The following DDHD1 variants were observed in gnomAD, a reference collection of about 807,000 sequenced individuals.
DDHD1 encodes DDHD domain containing 1, also known as phospholipase DDHD1.
Under a neutral mutation model 96.4 loss-of-function variants are expected in DDHD1, and 49 were observed. That is an observed-to-expected ratio of 0.51 (90% CI 0.40 to 0.64). The LOEUF (loss-of-function observed/expected upper bound fraction) is 0.64, where lower values mean the gene tolerates loss of function less well. Among genes scored for constraint, DDHD1 ranks in the 30% least tolerant of loss-of-function variants. The pLI is 0.00. For missense variants in DDHD1, 1,106 were observed against 1,161.2 expected (o/e 0.95, Z 0.69); for synonymous variants, 442 against 446.5 (o/e 0.99, Z 0.13).
chr14:53,134,771 G>C (rs1003604431), intron 1 of DDHD1, among the ~76,000 whole-genome samples: 2 of 152,004 alleles, frequency 1.3e-5, no homozygotes, highest in Admixed American at 6.6e-5. Context: ...TGGATGTCCT[G>C]GGTACTCCCA....
chr14:53,099,857 A>C (rs1887168363), intron 2 of DDHD1, among the ~76,000 whole-genome samples: 1 of 152,210 alleles, frequency 6.6e-6, no homozygotes, highest in Admixed American at 6.5e-5. Context: ...AAAGTATCTA[A>C]ATCACAAAGT....
At chr14:53,143,668 T>A (rs1239106970) in intron 1 of DDHD1, among the ~76,000 whole-genome samples, 1 of 152,146 alleles carries the variant, frequency 6.6e-6, no homozygotes, top group Non-Finnish European at 1.5e-5. Flanking sequence ...CTGAGAAAAG[T>A]AAAAACACCT....
At chr14:53,083,336 A>T (rs914346802) in intron 4 of DDHD1, among the ~76,000 whole-genome samples, 18 of 152,196 alleles carry the variant, frequency 1.2e-4, no homozygotes, top group African/African-American at 4.3e-4. Flanking sequence ...AATTTAGGGT[A>T]TTAGATATGC....
rs547828011 is a variant in DDHD1 at position 53,053,989 on chromosome 14, C to T, written c.2437+449G>A. 19 of 153,334 alleles carry T rather than the reference C, an allele frequency of 1.2e-4. No homozygotes were observed. In the South Asian group the frequency reaches 1.6e-3, roughly 13 times the overall value. The allele number at this position is 153,334 out of a possible 1,614,324, so 9.5% of individuals were successfully genotyped here. A position where few individuals can be genotyped will look rare whatever the true frequency, so the allele number is the denominator to read the frequency against. On this transcript the variant is annotated intron_variant, in intron 11 of 12. Transcript: ENST00000673822. ...TAGAATTGGAAGCCATTCAGCAGAT[C>T]CAATAAAATTTCTAAGCTTTGAATA...
At chr14:53,093,619 T>A in intron 2 of DDHD1, 175 bp from the exon 3 acceptor site, 1 of 689,188 alleles carries the variant, frequency 1.5e-6, no homozygotes, top group Non-Finnish European at 2.2e-6. Context: ...AAGTAATGGA[T>A]AGGGACTTTA....
chr14:53,068,727 A>G (rs1884259148), intron 6 of DDHD1, among the ~76,000 whole-genome samples: 1 of 152,310 alleles, frequency 6.6e-6, no homozygotes, highest in East Asian at 1.9e-4. Flanking sequence ...TACCCAGTTT[A>G]GGTACTGCTT....
At chr14:53,151,885 A>G (rs1335171072) in intron 1 of DDHD1, among the ~76,000 whole-genome samples, 1 of 152,214 alleles carries the variant, frequency 6.6e-6, no homozygotes, top group Non-Finnish European at 1.5e-5. Flanking sequence ...CGCTATTTAA[A>G]TCATAGGCTG....
At chr14:53,053,408 C>T (rs1882774671) in intron 11 of DDHD1, 1 of 152,010 alleles carries the variant, frequency 6.6e-6, no homozygotes, top group African/African-American at 2.4e-5. Context: ...GAGTCTGGCA[C>T]AGATATAATT....
At chr14:53,102,911 T>C in intron 2 of DDHD1, 1 of 921,700 alleles carries the variant, frequency 1.1e-6, no homozygotes, top group Non-Finnish European at 1.6e-6. Flanking sequence ...ATTCATTAGA[T>C]TCAGTAGAGC....
At chr14:53,064,042 G>A (rs1883815858) in intron 6 of DDHD1, among the ~76,000 whole-genome samples, 1 of 151,948 alleles carries the variant, frequency 6.6e-6, no homozygotes, top group Admixed American at 6.6e-5. Flanking sequence ...TGATTTAATG[G>A]CAATGTACAT....
At chr14:53,050,040 CAT>C (rs1882398665) in intron 12 of DDHD1, among the ~76,000 whole-genome samples, 1 of 152,084 alleles carries the variant, frequency 6.6e-6, no homozygotes, top group African/African-American at 2.4e-5. Flanking sequence ...TGTCAACAGA[CAT>C]ATAATAAGTA....
chr14:53,146,936 T>G (rs1484982939), intron 1 of DDHD1, among the ~76,000 whole-genome samples: 1 of 151,306 alleles, frequency 6.6e-6, no homozygotes, highest in African/African-American at 2.4e-5. Flanking sequence ...TGACAGTTTT[T>G]TTTTTTTTTT....
At chr14:53,148,203 T>C (rs912742373) in intron 1 of DDHD1, among the ~76,000 whole-genome samples, 2 of 152,202 alleles carry the variant, frequency 1.3e-5, no homozygotes, top group Admixed American at 6.5e-5. Context: ...TCCTGGAAAC[T>C]ACATATAAAA....
intron 4 of DDHD1, among the ~76,000 whole-genome samples, chr14:53,082,105 C>T (rs968647732): frequency 2.0e-5 from 3 of 152,208 alleles, no homozygotes; most frequent in African/African-American, 7.2e-5. Context: ...CAATATTATA[C>T]TATACCTCAG....
At chr14:53,067,948 A>T (rs1026604455) in intron 6 of DDHD1, among the ~76,000 whole-genome samples, 5 of 152,148 alleles carry the variant, frequency 3.3e-5, no homozygotes, top group Non-Finnish European at 1.5e-5. Context: ...TTGAGGATAT[A>T]TTATATATGT....
chr14:53,075,626 T>A (rs1230219936), intron 4 of DDHD1, among the ~76,000 whole-genome samples: 6 of 152,174 alleles, frequency 3.9e-5, no homozygotes, highest in Non-Finnish European at 7.3e-5. Flanking sequence ...GTTGCTACAC[T>A]AAACAACATA....
chr14:53,037,309 T>C lies in DDHD1; in HGVS notation c.*9459A>G, dbSNP rs560968281. ...GCTGGGTTGAATGGTAGATCTGTTT[T>C]AAGTTATTTGAGAAATCTCCAAACT... On this transcript the variant is annotated 3_prime_UTR_variant, in exon 13 of 13. Coordinates refer to ENST00000673822, the MANE Select transcript of DDHD1 (RefSeq NM_001160148.2). 6.6e-6 allele frequency: 1 copy of C among 152,256 alleles called. No individual in the cohort carries two copies. The highest frequency in any genetic ancestry group is 2.1e-4 in the South Asian group (1 of 4,832). The allele number at this position is 152,256 out of a possible 1,614,324, so 9.4% of individuals were successfully genotyped here.
intron 4 of DDHD1, among the ~76,000 whole-genome samples, chr14:53,083,257 G>A (rs1885650042): frequency 6.6e-6 from 1 of 151,984 alleles, no homozygotes; most frequent in African/African-American, 2.4e-5. Flanking sequence ...ATAAGCTCAT[G>A]TGTTCAACAT....
In DDHD1 at chr14:53,051,850, C is replaced by A. The variant is rs1882601633; in HGVS notation, c.2515G>T (p.Ala839Ser). The A allele has an allele frequency of 6.3e-6, 10 of 1,592,876 alleles. No individual in the cohort carries two copies. The highest frequency in any genetic ancestry group is 8.6e-6 in the Non-Finnish European group (10 of 1,167,650). ...PENVMQNKDN[A>S]LVELDHRIDF... ...TTCCTGACATATACCATACCGAGGG[C>A]ATTATCTTTATTCTGCATTACATTT... The change falls in exon 12 of 13, where the codon GCC (alanine) becomes TCC (serine). Residue 839 changes from alanine to serine, a missense_variant. Ala to Ser is a moderately conservative substitution (Grantham distance 99, BLOSUM62 1). Around this residue, in one of 2 missense-constraint regions of DDHD1, gnomAD observed 650 missense variants for 758.8 expected, o/e 0.86. Transcript: ENST00000673822.
Sources: allele counts gnomAD v4.1 joint callset (sites outside exome capture counted in the v4.1 genomes callset), GRCh38; gene constraint gnomAD v4.1.1; regional missense constraint gnomAD v4.1.1; transcripts MANE v1.5; gene names NCBI Gene and HGNC (gene_info 2026-07-23, HGNC 2026-07-21).